The following TCF7L2 variants were observed in gnomAD, a reference collection of about 807,000 sequenced individuals.
TCF7L2 encodes the protein transcription factor 7 like 2.
In TCF7L2, 23 loss-of-function variants were observed where a neutral mutation model predicts 77.9. That is an observed-to-expected ratio of 0.30 (90% CI 0.21 to 0.42). The LOEUF (loss-of-function observed/expected upper bound fraction) is 0.42, where lower values mean the gene tolerates loss of function less well. TCF7L2 is among the 10% of genes least tolerant of loss of function. The pLI is 1.00. For missense variants in TCF7L2, 654 were observed against 793.1 expected (o/e 0.82, Z 2.11); for synonymous variants, 413 against 340.2 (o/e 1.21, Z -2.36).
chr10:113,149,042 C>A (rs2070150023), intron 8 of TCF7L2, among the ~76,000 whole-genome samples: 1 of 152,146 alleles, frequency 6.6e-6, no homozygotes, highest in Admixed American at 6.5e-5. Flanking sequence ...TCTCATTCTG[C>A]AGGAAGGGAA....
intron 4 of TCF7L2, among the ~76,000 whole-genome samples, chr10:113,016,142 A>G (rs1269525334): frequency 6.7e-6 from 1 of 149,644 alleles, no homozygotes; most frequent in East Asian, 2.0e-4. Flanking sequence ...TCGGCTCACT[A>G]CAACCTCTGC....
intron 4 of TCF7L2, among the ~76,000 whole-genome samples, chr10:113,007,533 G>A (rs1256887062): frequency 6.6e-6 from 1 of 152,212 alleles, no homozygotes; most frequent in Non-Finnish European, 1.5e-5. Flanking sequence ...GAAGTTCAAC[G>A]TTCAAGTTAA....
intron 11 of TCF7L2, among the ~76,000 whole-genome samples, chr10:113,154,381 A>C (rs980997774): frequency 4.6e-5 from 7 of 152,138 alleles, no homozygotes; most frequent in African/African-American, 1.2e-4. Context: ...TCTTTGAGTA[A>C]TCTAGAATGA....
intron 3 of TCF7L2, among the ~76,000 whole-genome samples, chr10:112,960,723 T>G (rs2034859736): frequency 6.6e-6 from 1 of 151,944 alleles, no homozygotes; most frequent in Non-Finnish European, 1.5e-5. Flanking sequence ...GTTTCGCTCT[T>G]GTTTTCCAGG....
intron 4 of TCF7L2, among the ~76,000 whole-genome samples, chr10:113,011,622 T>C (rs545489235): frequency 6.6e-6 from 1 of 152,262 alleles, no homozygotes; most frequent in South Asian, 2.1e-4. Flanking sequence ...TTTTACTACC[T>C]TGAGTGTTGC....
intron 5 of TCF7L2, chr10:113,126,754 G>T: frequency 5.1e-6 from 5 of 985,784 alleles, no homozygotes; most frequent in Non-Finnish European, 6.0e-6. Context: ...CGGCGGCGCG[G>T]GCTGCAGGGC....
chr10:112,979,983 C>A (rs889152325), intron 4 of TCF7L2, among the ~76,000 whole-genome samples: 5 of 152,124 alleles, frequency 3.3e-5, no homozygotes, highest in African/African-American at 1.2e-4. Flanking sequence ...CAAGTAAGTA[C>A]TATTAATTAA....
chr10:112,958,594 A>G (rs563438105), intron 3 of TCF7L2, among the ~76,000 whole-genome samples: 1 of 152,284 alleles, frequency 6.6e-6, no homozygotes, highest in South Asian at 2.1e-4. Context: ...CTCTAAGAAA[A>G]TGCAGAATGA....
chr10:113,017,451 C>T (rs1373855989), intron 4 of TCF7L2, among the ~76,000 whole-genome samples: 2 of 152,226 alleles, frequency 1.3e-5, no homozygotes, highest in Non-Finnish European at 2.9e-5. Context: ...CTGCCCATGC[C>T]GTCTTCTTTG....
intron 5 of TCF7L2, among the ~76,000 whole-genome samples, chr10:113,065,773 T>C (rs1342004135): frequency 6.6e-6 from 1 of 152,120 alleles, no homozygotes; most frequent in Non-Finnish European, 1.5e-5. Flanking sequence ...ACCTCCCTCA[T>C]AGGTTGTAGT....
At chr10:113,076,078 G>A (rs1423831972) in intron 5 of TCF7L2, among the ~76,000 whole-genome samples, 1 of 147,562 alleles carries the variant, frequency 6.8e-6, no homozygotes, top group Non-Finnish European at 1.5e-5. Flanking sequence ...GAAGGTTGTA[G>A]TGAGCCGAAA....
intron 5 of TCF7L2, chr10:113,089,452 C>T (rs200626286): frequency 1.4e-5 from 23 of 1,613,760 alleles, no homozygotes; most frequent in Middle Eastern, 1.6e-4. Flanking sequence ...TTCTACCCCC[C>T]CTCAGACTTC....
intron 5 of TCF7L2, among the ~76,000 whole-genome samples, chr10:113,101,110 A>G (rs187172691): frequency 1.3e-5 from 2 of 152,258 alleles, no homozygotes; most frequent in East Asian, 1.9e-4. Flanking sequence ...TTCAATGTGT[A>G]TCTTATCCTT....
intron 4 of TCF7L2, among the ~76,000 whole-genome samples, chr10:113,004,717 G>T (rs150783209): frequency 1.3e-4 from 19 of 151,916 alleles, no homozygotes; most frequent in African/African-American, 4.3e-4. Context: ...TCGTCACCCA[G>T]GTTGGAGTGC....
intron 4 of TCF7L2, among the ~76,000 whole-genome samples, chr10:112,968,565 G>A (rs1264546559): frequency 6.6e-6 from 1 of 152,002 alleles, no homozygotes; most frequent in Admixed American, 6.6e-5. Context: ...GGAGTCAAAA[G>A]GTATACTCGG....
At chr10:113,063,529 A>G (rs1037214494) in intron 5 of TCF7L2, among the ~76,000 whole-genome samples, 2 of 152,068 alleles carry the variant, frequency 1.3e-5, no homozygotes, top group South Asian at 2.1e-4. Context: ...TGGAGAGGAG[A>G]GGAGAGCGGG....
chr10:113,043,635 C>A (rs1324589720), intron 5 of TCF7L2, among the ~76,000 whole-genome samples: 1 of 152,120 alleles, frequency 6.6e-6, no homozygotes, highest in Non-Finnish European at 1.5e-5. Context: ...TCATGGACTT[C>A]TTAACAACTC....
intron 4 of TCF7L2, among the ~76,000 whole-genome samples, chr10:112,973,491 C>T (rs184171519): frequency 6.6e-6 from 1 of 152,290 alleles, no homozygotes; most frequent in Admixed American, 6.5e-5. Context: ...TCTAGGGGAT[C>T]CTGGAATCTG....
At chr10:113,042,731 A>C (rs985897019) in intron 5 of TCF7L2, among the ~76,000 whole-genome samples, 1 of 152,214 alleles carries the variant, frequency 6.6e-6, no homozygotes, top group Non-Finnish European at 1.5e-5. Context: ...TTGAGGATGC[A>C]TACACCTTGA....
Sources: allele counts gnomAD v4.1 joint callset (sites outside exome capture counted in the v4.1 genomes callset), GRCh38; gene constraint gnomAD v4.1.1; transcripts MANE v1.5; gene names NCBI Gene and HGNC (gene_info 2026-07-23, HGNC 2026-07-21).